ROBO1: variants seen among roughly 807,000 people sequenced by gnomAD.
ROBO1 encodes the protein roundabout homolog 1.
In ROBO1, 149 loss-of-function variants were observed where a neutral mutation model predicts 195.9. The observed-to-expected ratio is 0.76, with a 90% CI of 0.67 to 0.87. ROBO1 has a LOEUF of 0.87. Ranked by LOEUF, ROBO1 falls within the 40% of genes least tolerant of loss-of-function variation. ROBO1 has a pLI of 0.00. For synonymous variants in ROBO1, 816 were observed against 733.2 expected (o/e 1.11, Z -1.82); for missense variants, 1,933 against 2,068.3 (o/e 0.93, Z 1.27).
At position 79,424,428 on chromosome 3, in the gene ROBO1, C is replaced by CAT. The variant is rs5850426; in HGVS notation, c.88+165394_88+165395dup. ...CCTCAAGTGAATGAAAATATCATAT[C>CAT]ATATATATATATATCATATACTCCT... is the stretch of plus-strand genomic sequence containing the variant. On this transcript the variant is annotated intron_variant, in intron 2 of 30. Coordinates refer to ENST00000464233, the MANE Select transcript of ROBO1 (RefSeq NM_002941.4). Among the ~76,000 whole-genome samples, 1,213 of 151,166 alleles carry CAT rather than the reference C, an allele frequency of 8.0e-3. 23 individuals are homozygous for CAT. Among genetic ancestry groups the CAT allele is most frequent in the African/African-American group, 0.025 (1,048 of 41,218 alleles).
intron 2 of ROBO1, among the ~76,000 whole-genome samples, chr3:79,286,801 A>C (rs2109016716): frequency 6.6e-6 from 1 of 152,310 alleles, no homozygotes; most frequent in South Asian, 2.1e-4. Flanking sequence ...AACAGAAAAT[A>C]GTTACAATTG....
chr3:78,696,075 A>G (rs1028968895), intron 8 of ROBO1, among the ~76,000 whole-genome samples: 2 of 151,596 alleles, frequency 1.3e-5, no homozygotes, highest in Admixed American at 1.3e-4. Context: ...CCTTTCTATG[A>G]AACAGGCAGA....
chr3:78,912,740 T>C (rs1310019241), intron 4 of ROBO1, among the ~76,000 whole-genome samples: 1 of 152,158 alleles, frequency 6.6e-6, no homozygotes, highest in Non-Finnish European at 1.5e-5. Flanking sequence ...AGGCTGTATG[T>C]CACAATAAAT....
chr3:78,845,841 A>G (rs1476735827), intron 4 of ROBO1, among the ~76,000 whole-genome samples: 1 of 152,188 alleles, frequency 6.6e-6, no homozygotes, highest in Non-Finnish European at 1.5e-5. Flanking sequence ...ATTATGAAGA[A>G]AAGCTTTGAA....
chr3:78,717,839 G>A lies in ROBO1; in HGVS notation c.702C>T (p.Asp234=), dbSNP rs764667867. ...KLMITYTRKS[D]AGKYVCVGTN... ...TACCAACACAAACATATTTGCCAGC[G>A]TCACTTTTACGGGTGTAAGTGATCA... The change falls in exon 6 of 31, where the codon GAC becomes GAT. Residue 234 remains aspartate (D), a synonymous_variant. Transcript: ENST00000464233. 40 of 1,613,532 alleles carry A rather than the reference G, an allele frequency of 2.5e-5. No individual in the cohort carries two copies. The highest frequency in any genetic ancestry group is 3.0e-5 in the Non-Finnish European group (35 of 1,179,654).
At chr3:79,545,359 T>C (rs1942226404) in intron 2 of ROBO1, among the ~76,000 whole-genome samples, 1 of 152,188 alleles carries the variant, frequency 6.6e-6, no homozygotes, top group African/African-American at 2.4e-5. Flanking sequence ...GAGAATACCA[T>C]TTTCCATTTA....
chr3:78,680,591 A>G (rs2080874419), intron 10 of ROBO1, among the ~76,000 whole-genome samples: 1 of 151,766 alleles, frequency 6.6e-6, no homozygotes, highest in African/African-American at 2.4e-5. Context: ...AATGCTCACC[A>G]TCACTGGCCA....
chr3:78,842,681 T>C (rs747552478), intron 4 of ROBO1, among the ~76,000 whole-genome samples: 1 of 150,912 alleles, frequency 6.6e-6, no homozygotes, highest in Non-Finnish European at 1.5e-5. Flanking sequence ...TAAAAGTATA[T>C]TGATATATCA....
At chr3:79,532,766 G>A (rs1203724243) in intron 2 of ROBO1, among the ~76,000 whole-genome samples, 1 of 152,144 alleles carries the variant, frequency 6.6e-6, no homozygotes, top group Non-Finnish European at 1.5e-5. Context: ...GAGATAGAGC[G>A]AGGGAAGCAA....
intron 2 of ROBO1, among the ~76,000 whole-genome samples, chr3:79,334,860 C>G (rs2034600811): frequency 6.6e-6 from 1 of 151,712 alleles, no homozygotes; most frequent in African/African-American, 2.4e-5. Flanking sequence ...AATCCCAGCA[C>G]TTTAGGAAGC....
intron 2 of ROBO1, among the ~76,000 whole-genome samples, chr3:79,189,768 G>T: frequency 6.6e-6 from 1 of 151,688 alleles, no homozygotes; most frequent in East Asian, 1.9e-4. Context: ...TGAAATCTGA[G>T]TTTTAAGTTT....
chr3:79,164,836 T>C (rs978283688), intron 2 of ROBO1, among the ~76,000 whole-genome samples: 3 of 152,190 alleles, frequency 2.0e-5, no homozygotes, highest in Non-Finnish European at 4.4e-5. Flanking sequence ...ACACTACAAG[T>C]AGTCTTAGCT....
At chr3:79,328,840 T>C (rs2034322155) in intron 2 of ROBO1, among the ~76,000 whole-genome samples, 1 of 151,938 alleles carries the variant, frequency 6.6e-6, no homozygotes, top group Non-Finnish European at 1.5e-5. Flanking sequence ...TATTGTATCA[T>C]TCTAATGCCT....
At chr3:79,620,659 C>A (rs1205159567) in intron 1 of ROBO1, among the ~76,000 whole-genome samples, 1 of 151,964 alleles carries the variant, frequency 6.6e-6, no homozygotes, top group Non-Finnish European at 1.5e-5. Flanking sequence ...CAGTTCAAAG[C>A]CTCCTTCACA....
chr3:79,632,539 AG>A (rs1945375935), intron 1 of ROBO1, among the ~76,000 whole-genome samples: 2 of 152,144 alleles, frequency 1.3e-5, no homozygotes, highest in African/African-American at 4.8e-5. Context: ...TTCACAATTC[AG>A]GGGACAGGCA....
At chr3:78,840,581 G>C (rs569293901) in intron 4 of ROBO1, among the ~76,000 whole-genome samples, 2 of 152,162 alleles carry the variant, frequency 1.3e-5, no homozygotes, top group Non-Finnish European at 2.9e-5. Context: ...CCTAATAATC[G>C]TGCAAGGTTA....
At chr3:78,618,157 T>C (rs1331829452) in intron 26 of ROBO1, 116 bp from the exon 27 acceptor site, 2 of 1,088,228 alleles carry the variant, frequency 1.8e-6, no homozygotes, top group African/African-American at 3.2e-5. Context: ...TTTGAGCTCA[T>C]ATGTTCAGAA....
At chr3:79,763,746 GAA>G (rs1467082179) in intron 1 of ROBO1, among the ~76,000 whole-genome samples, 1 of 152,088 alleles carries the variant, frequency 6.6e-6, no homozygotes, top group Non-Finnish European at 1.5e-5. Flanking sequence ...TATATTTTCT[GAA>G]AAAGTTATTT....
intron 2 of ROBO1, among the ~76,000 whole-genome samples, chr3:79,338,795 A>G (rs1379507284): frequency 6.6e-6 from 1 of 152,100 alleles, no homozygotes; most frequent in Admixed American, 6.5e-5. Flanking sequence ...TACTATGCGT[A>G]TTGATGGTTC....
Sources: gnomAD v4.1 joint callset for allele counts (sites outside exome capture counted in the v4.1 genomes callset) on GRCh38, gnomAD v4.1.1 for gene constraint, MANE v1.5 for transcripts, NCBI Gene and HGNC (gene_info 2026-07-23, HGNC 2026-07-21) for gene names.